Variants in NLRP7 observed in about 807,000 individuals in gnomAD.
The protein encoded by NLRP7 is NACHT, LRR and PYD domains-containing protein 7.
NLRP7 carries 72 observed loss-of-function variants against 85.5 expected under a neutral mutation model. The ratio of observed to expected loss-of-function variants is 0.84; its 90% confidence interval spans 0.70 to 1.02. NLRP7 has a LOEUF of 1.02. Ranked by LOEUF, NLRP7 falls within the 50% of genes least tolerant of loss-of-function variation. NLRP7 has a pLI of 0.00. For synonymous variants in NLRP7, 550 were observed against 505.2 expected, an observed-to-expected ratio of 1.09 and a Z score of -1.19; for missense variants, 1,243 against 1,219.5, an observed-to-expected ratio of 1.02 and a Z score of -0.29.
intron 1 of NLRP7, among the ~76,000 whole-genome samples, chr19:54,943,367 C>T (rs1033218335): frequency 2.6e-5 from 4 of 151,858 alleles, no homozygotes; most frequent in African/African-American, 9.7e-5. Context: ...TTTGGGAGGC[C>T]GAGGCAGGCG....
intron 9 of NLRP7, among the ~76,000 whole-genome samples, chr19:54,925,382 G>C (rs1375282928): frequency 6.6e-6 from 1 of 152,164 alleles, no homozygotes; most frequent in Admixed American, 6.5e-5. Context: ...TTGAACTGCA[G>C]ACGTGTGAAA....
chr19:54,929,490 C>T (rs1255965841), intron 9 of NLRP7, among the ~76,000 whole-genome samples: 2 of 152,164 alleles, frequency 1.3e-5, no homozygotes, highest in Non-Finnish European at 1.5e-5. Flanking sequence ...AAATAGGTTG[C>T]ATCCAAGAGA....
intron 4 of NLRP7, 112 bp from the exon 5 acceptor site, chr19:54,938,353 AAC>A: frequency 1.2e-6 from 1 of 819,456 alleles, no homozygotes; most frequent in Non-Finnish European, 2.1e-6. Context: ...ACCAACCTAA[AAC>A]AGTGTCTATA....
Position 54,960,353 on chromosome 19 carries a change from ACC to A in NLRP7, c.-77+5685_-77+5686del. On this transcript the variant is annotated intron_variant, in intron 1 of 2. Coordinates refer to the NLRP7 transcript ENST00000587103. ...GTATTTTTAGTAGAGACGGGATTTC[ACC>A]ATGTTGGCCAGGCTAGTCTCGAGCT... 1.3e-5 allele frequency among the ~76,000 whole-genome samples: 2 copies of A among 151,544 alleles called. 1 individual carries two copies. Among genetic ancestry groups the A allele is most frequent in the Non-Finnish European group, 2.9e-5 (2 of 67,890 alleles).
In NLRP7 at chr19:54,923,861, T is replaced by C. The variant is rs540391390; in HGVS notation, c.2822A>G (p.Tyr941Cys). ...CTTCTTGATTTCCAAATTAGTTTCATAGGTCTTCAACCTGGAGGGATCAGA... is the reference window on the plus strand; with the variant it reads ...CTTCTTGATTTCCAAATTAGTTTCACAGGTCTTCAACCTGGAGGGATCAGA... The change falls in exon 10 of 10, where the codon TAT (tyrosine) becomes TGT (cysteine). Residue 941 changes from tyrosine (Y) to cysteine (C), a missense_variant. By Grantham distance (194) the Tyr-to-Cys change is radical. Around this residue, in one of 3 missense-constraint regions of NLRP7, gnomAD observed 613 missense variants for 588.4 expected, o/e 1.04. Coordinates refer to ENST00000340844, the Ensembl canonical transcript of NLRP7. 2.4e-5 allele frequency: 38 copies of C among 1,613,980 alleles called. No homozygotes were observed. In the South Asian group the frequency reaches 3.2e-4, roughly 14 times the overall value.
In NLRP7 at chr19:54,934,675, G is replaced by GA; in HGVS notation, c.2301-17dup. ...ACCTCCCAACCTGTGAAAAGAGTGG[G>GA]AAAAGTCATTCTTCTGGGAGGACAG... On this transcript the variant is annotated splice_polypyrimidine_tract_variant and intron_variant, in intron 6 of 9. Transcript: ENST00000340844. This position sits in a 1 kb window ranked among gnomAD's most constrained non-coding sequence, Gnocchi z 6.7. 1 of 1,608,414 alleles carries GA rather than the reference G, an allele frequency of 6.2e-7. No homozygotes were observed.
intron 1 of NLRP7, among the ~76,000 whole-genome samples, chr19:54,956,104 C>T (rs528326752): frequency 6.6e-6 from 1 of 150,650 alleles, no homozygotes; most frequent in South Asian, 2.1e-4. Flanking sequence ...CTCGCAACTG[C>T]ACTCCAGCCT....
chr19:54,940,229 T>A, exon 4 of NLRP7: 14 of 1,614,144 alleles, frequency 8.7e-6, no homozygotes, highest in Non-Finnish European at 1.2e-5. Context: ...GAGGTTGCAG[T>A]CTGTCCAGTC....
intron 9 of NLRP7, among the ~76,000 whole-genome samples, chr19:54,924,603 AAC>A (rs1167051833): frequency 6.6e-6 from 1 of 152,130 alleles, no homozygotes; most frequent in East Asian, 1.9e-4. Flanking sequence ...CCAGCCTGGT[AAC>A]AGAGTAAAAC....
intron 9 of NLRP7, among the ~76,000 whole-genome samples, chr19:54,929,743 C>T (rs1367032374): frequency 6.6e-6 from 1 of 152,120 alleles, no homozygotes; most frequent in Non-Finnish European, 1.5e-5. Context: ...TTTAGAAGTG[C>T]CCACCCACAT....
intron 1 of NLRP7, among the ~76,000 whole-genome samples, chr19:54,956,847 C>G (rs557130679): frequency 2.0e-5 from 3 of 151,708 alleles, no homozygotes; most frequent in African/African-American, 7.2e-5. Flanking sequence ...CCAGGCTTGT[C>G]TCGAACTCCT....
chr19:54,936,835 A>T (rs2146203608), intron 5 of NLRP7, among the ~76,000 whole-genome samples: 2 of 152,208 alleles, frequency 1.3e-5, no homozygotes, highest in African/African-American at 4.8e-5. Context: ...GAATCACTTG[A>T]ATCCAGGAGG....
chr19:54,938,824 C>T lies in NLRP7; in HGVS notation c.1931+64G>A, dbSNP rs1005530541. On this transcript the variant is annotated intron_variant, in intron 4 of 9. Coordinates refer to ENST00000340844, the Ensembl canonical transcript of NLRP7. ...GCCAGAGGGAAATTCTGACAGTAAG[C>T]GACAGGGCAAAGGAGACGCTGGCCT... 1.9e-4 allele frequency: 296 copies of T among 1,571,712 alleles called. 1 individual carries two copies. The highest frequency in any genetic ancestry group is 9.1e-4 in the South Asian group (82 of 90,232).
At chr19:54,933,206 T>C (rs902074697) in intron 8 of NLRP7, among the ~76,000 whole-genome samples, 1 of 151,988 alleles carries the variant, frequency 6.6e-6, no homozygotes. Context: ...AGTGCAGTGG[T>C]GCGATCTCGG....
At chr19:54,949,536 AAG>A (rs1381366368), upstream of NLRP7, among the ~76,000 whole-genome samples, 1 of 152,180 alleles carries the variant, frequency 6.6e-6, no homozygotes, top group Non-Finnish European at 1.5e-5. Context: ...ATAAACATGA[AAG>A]AGGTATCTCT....
chr19:54,950,539 C>T (rs1317799069), upstream of NLRP7, among the ~76,000 whole-genome samples: 7 of 152,194 alleles, frequency 4.6e-5, no homozygotes, highest in East Asian at 5.8e-4. Flanking sequence ...CAGATAAACA[C>T]GTTAACAAAG....
exon 4 of NLRP7, chr19:54,940,001 C>A (rs763833424): frequency 1.4e-5 from 23 of 1,614,062 alleles, no homozygotes; most frequent in Non-Finnish European, 1.9e-5. Context: ...CTTCTTCTCC[C>A]AGTCCCCGCA....
At chr19:54,927,812 G>T (rs104895522) in intron 9 of NLRP7, 37 bp from the exon 10 acceptor site, 2 of 1,595,614 alleles carry the variant, frequency 1.3e-6, no homozygotes, top group South Asian at 1.1e-5. Flanking sequence ...CGCATTCACT[G>T]AGCAGGTAGT....
chr19:54,946,080 C>T lies in NLRP7; in HGVS notation c.-40+1389G>A, dbSNP rs1383513557. Among the ~76,000 whole-genome samples, 16 of 151,930 alleles carry T rather than the reference C, an allele frequency of 1.1e-4. No individual in the cohort carries two copies. In the East Asian group the frequency reaches 1.4e-3, roughly 13 times the overall value. On this transcript the variant is annotated intron_variant, in intron 1 of 9. Coordinates refer to ENST00000340844, the Ensembl canonical transcript of NLRP7. ...TGCTGGGATTACAGGCGTGAGCCAC[C>T]GCGCCCGGCCGAGACAGGGTTTCTC...
Sources: gnomAD v4.1 joint callset for allele counts (sites outside exome capture counted in the v4.1 genomes callset) on GRCh38, gnomAD v4.1.1 for gene constraint, gnomAD v4.1.1 regional missense constraint, Gnocchi (gnomAD v3.1) non-coding constraint, MANE v1.5 for transcripts, NCBI Gene and HGNC (gene_info 2026-07-23, HGNC 2026-07-21) for gene names.